The following ZNF571 variants were observed in gnomAD, a reference collection of about 807,000 sequenced individuals.
ZNF571 encodes the protein zinc finger protein 571.
Under a neutral mutation model 7.7 loss-of-function variants are expected in ZNF571, and 4 were observed. That is an observed-to-expected ratio of 0.52 (90% confidence interval 0.25 to 1.18). ZNF571 has a LOEUF of 1.18. Among genes scored for constraint, ZNF571 ranks in the 50% most tolerant of loss-of-function variants. The pLI is 0.14. For missense variants in ZNF571, 704 were observed against 726.9 expected (o/e 0.97, Z 0.36); for synonymous variants, 251 against 232.4 (o/e 1.08, Z -0.73).
At chr19:37,574,593 T>C (rs2043180800) in intron 3 of ZNF571, among the ~76,000 whole-genome samples, 1 of 152,186 alleles carries the variant, frequency 6.6e-6, no homozygotes, top group African/African-American at 2.4e-5. Context: ...ATACACAAAT[T>C]TTCCAACCTT....
chr19:37,586,632 G>T, intron 2 of ZNF571, 36 bp downstream of exon 2: 3 of 1,613,032 alleles, frequency 1.9e-6, no homozygotes, highest in Non-Finnish European at 2.5e-6. Context: ...ACAACAAAAT[G>T]ATTGTACTTC....
chr19:37,576,843 T>C (rs2043259298), intron 3 of ZNF571, among the ~76,000 whole-genome samples: 1 of 152,140 alleles, frequency 6.6e-6, no homozygotes, highest in Non-Finnish European at 1.5e-5. Flanking sequence ...CAGAGTAACT[T>C]TGTTAATTCA....
chr19:37,568,034 A>G (rs907823589), intron 3 of ZNF571, among the ~76,000 whole-genome samples: 2 of 152,312 alleles, frequency 1.3e-5, no homozygotes, highest in Middle Eastern at 3.4e-3. Context: ...AATAGTGACA[A>G]GTTTACACAA....
intron 1 of ZNF571, among the ~76,000 whole-genome samples, chr19:37,591,333 G>C (rs1218824949): frequency 1.3e-5 from 2 of 152,142 alleles, no homozygotes; most frequent in Non-Finnish European, 1.5e-5. Flanking sequence ...ATGACAGAAA[G>C]ACACAGAACT....
chr19:37,571,613 G>T (rs1022371506), intron 3 of ZNF571, among the ~76,000 whole-genome samples: 6 of 152,178 alleles, frequency 3.9e-5, no homozygotes, highest in Non-Finnish European at 8.8e-5. Flanking sequence ...AATTTACCAT[G>T]GTAAGAAAGC....
intron 3 of ZNF571, 50 bp from the exon 4 acceptor site, chr19:37,566,341 TAAA>T (rs1185023577): frequency 3.3e-6 from 5 of 1,533,762 alleles, no homozygotes; most frequent in Admixed American, 2.2e-5. Flanking sequence ...CAAGGAGAAA[TAAA>T]AATTCTATGG....
In ZNF571 at chr19:37,565,621, A is replaced by C. The variant is rs377270640; in HGVS notation, c.807T>G (p.His269Gln). 5.2e-5 allele frequency: 84 copies of C among 1,613,320 alleles called. No individual in the cohort carries two copies. Among genetic ancestry groups the C allele is most frequent in the Non-Finnish European group, 6.1e-5 (72 of 1,179,802 alleles). Residue 269 changes from histidine (H) to glutamine (Q), a missense_variant, in exon 4 of 4, where the codon CAT becomes CAG. Transcript: ENST00000451802. ...GTTTTTCACCACTATGAATTCTCTG[A>C]TGAAGAGTATATTGTGAACAATAAC... ...AFSYCSQYTL[H>Q]QRIHSGEKPY...
At chr19:37,567,362 G>A (rs2147154951) in intron 3 of ZNF571, among the ~76,000 whole-genome samples, 3 of 152,240 alleles carry the variant, frequency 2.0e-5, no homozygotes, top group Middle Eastern at 6.8e-3. Context: ...CTCCTTAGAT[G>A]CTTCTCATAA....
intron 2 of ZNF571, chr19:37,584,947 G>C (rs982383373): frequency 1.4e-5 from 2 of 144,720 alleles, no homozygotes; most frequent in Admixed American, 7.1e-5. Flanking sequence ...CTGGGCCACA[G>C]AGCGAGACTC....
intron 3 of ZNF571, among the ~76,000 whole-genome samples, chr19:37,573,169 AAAC>A (rs1433918114): frequency 6.6e-6 from 1 of 152,246 alleles, no homozygotes; most frequent in Non-Finnish European, 1.5e-5. Flanking sequence ...ATTGGATGAA[AAAC>A]AACAGAAATT....
intron 3 of ZNF571, among the ~76,000 whole-genome samples, chr19:37,580,950 T>G (rs2043435381): frequency 6.6e-6 from 1 of 152,324 alleles, no homozygotes; most frequent in East Asian, 1.9e-4. Context: ...TTGAATTAGT[T>G]CCACTATAAC....
intron 3 of ZNF571, among the ~76,000 whole-genome samples, chr19:37,577,900 C>T (rs958293864): frequency 3.9e-5 from 6 of 152,124 alleles, no homozygotes; most frequent in Non-Finnish European, 5.9e-5. Flanking sequence ...AGCCACAGAC[C>T]GTACTGTTTG....
intron 3 of ZNF571, among the ~76,000 whole-genome samples, chr19:37,583,311 G>A (rs1206535212): frequency 6.6e-6 from 1 of 152,160 alleles, no homozygotes; most frequent in Non-Finnish European, 1.5e-5. Flanking sequence ...CAGGAAAAAC[G>A]TAATTCAAAA....
intron 1 of ZNF571, among the ~76,000 whole-genome samples, chr19:37,591,965 G>A (rs1279141745): frequency 6.6e-6 from 1 of 152,046 alleles, no homozygotes; most frequent in Non-Finnish European, 1.5e-5. Context: ...ATATATAACT[G>A]TTAATGAATG....
chr19:37,564,534 T>C lies in ZNF571; in HGVS notation c.*64A>G. 1 of 1,403,816 alleles carries C rather than the reference T, an allele frequency of 7.1e-7. No homozygotes were observed. The highest frequency in any genetic ancestry group is 2.6e-5 in the Admixed American group (1 of 38,528). 87.0% of individuals were successfully genotyped at this position (1,403,816 alleles called of 1,614,324 possible). A position where few individuals can be genotyped will look rare whatever the true frequency, so the allele number is the denominator to read the frequency against. On this transcript the variant is annotated 3_prime_UTR_variant, in exon 4 of 4. Coordinates refer to ENST00000451802, the MANE Select transcript of ZNF571 (RefSeq NM_016536.5). ...GATTCTGAGCAGAAGCAAGATGTTC[T>C]ACATTCATTATAGATATGAAATAGA...
chr19:37,590,298 T>A (rs1189642000), intron 1 of ZNF571, among the ~76,000 whole-genome samples: 2 of 151,938 alleles, frequency 1.3e-5, no homozygotes, highest in Non-Finnish European at 2.9e-5. Context: ...GCACCTGTAG[T>A]CCCAGCTACT....
chr19:37,570,488 AT>A (rs1284254756), intron 3 of ZNF571, among the ~76,000 whole-genome samples: 2 of 152,364 alleles, frequency 1.3e-5, no homozygotes, highest in East Asian at 1.9e-4. Context: ...ATACAAAAAA[AT>A]ATACTCAATG....
At position 37,564,720 on chromosome 19, in the gene ZNF571, C is replaced by G. The variant is rs1319754486; in HGVS notation, c.1708G>C (p.Gly570Arg). Reference sequence around the variant, plus strand: ...CTTTGATGCAGAGTAAGTTCTGAGCCACGACTAAAGGCCCTCCCACATTCC... The same window carrying G: ...CTTTGATGCAGAGTAAGTTCTGAGCGACGACTAAAGGCCCTCCCACATTCC... ...CKECGRAFSR[G>R]SELTLHQRIH... Residue 570 changes from glycine (G) to arginine (R), a missense_variant, in exon 4 of 4, where the codon GGC becomes CGC. Gly to Arg is a moderately radical substitution (Grantham distance 125, BLOSUM62 -2). Transcript: ENST00000451802. 1 of 1,613,562 alleles carries G rather than the reference C, an allele frequency of 6.2e-7. No individual in the cohort carries two copies. The highest frequency in any genetic ancestry group is 1.1e-5 in the South Asian group (1 of 91,064).
Position 37,564,847 on chromosome 19 carries a change from T to C in ZNF571, c.1581A>G (p.Glu527=). 6.2e-7 allele frequency: 1 copy of C among 1,614,050 alleles called. No homozygotes were observed. Among genetic ancestry groups the C allele is most frequent in the South Asian group, 1.1e-5 (1 of 91,082 alleles). Residue 527 remains glutamate (E), a synonymous_variant, in exon 4 of 4, where the codon GAA becomes GAG. Coordinates refer to ENST00000451802, the MANE Select transcript of ZNF571 (RefSeq NM_016536.5). ...CACACTGTTTACATTCATAAGGTTT[T>C]TCACCTCTGTGAATTCTCTGATGTT... is the stretch of plus-strand genomic sequence containing the variant. The part of the protein sequence containing the change: ...LSEHQRIHRG[E]KPYECKQCGK...
Sources: allele counts gnomAD v4.1 joint callset (sites outside exome capture counted in the v4.1 genomes callset), GRCh38; gene constraint gnomAD v4.1.1; transcripts MANE v1.5; gene names NCBI Gene and HGNC (gene_info 2026-07-23, HGNC 2026-07-21).